CCDC141: variants seen among roughly 807,000 people sequenced by gnomAD.
The protein encoded by CCDC141 is coiled-coil domain containing 141.
Under a neutral mutation model 181.0 loss-of-function variants are expected in CCDC141, and 168 were observed. The ratio of observed to expected loss-of-function variants is 0.93; its 90% confidence interval spans 0.82 to 1.05. CCDC141 has a LOEUF of 1.05. Ranked by LOEUF, CCDC141 falls within the 50% of genes least tolerant of loss-of-function variation. The pLI is 0.00. For synonymous variants in CCDC141, 666 were observed against 642.3 expected (o/e 1.04, Z -0.56); for missense variants, 1,902 against 1,788.5 (o/e 1.06, Z -1.14).
At chr2:179,015,067 G>GATATATATATTATATATAT (rs2042390282) in intron 2 of CCDC141, among the ~76,000 whole-genome samples, 1 of 39,594 alleles carries the variant, frequency 2.5e-5, no homozygotes, top group South Asian at 8.3e-4. Flanking sequence ...GAGAGACAGA[G>GATATATATATTATATATAT]ATATATATAT....
At chr2:178,885,166 A>G in intron 10 of CCDC141, 74 bp from the exon 11 acceptor site, 1 of 964,062 alleles carries the variant, frequency 1.0e-6, no homozygotes, top group Non-Finnish European at 1.5e-6. Context: ...TATCTTCTGC[A>G]TATCCACCAA....
In CCDC141 at chr2:178,831,426, A is replaced by G. The variant is rs1684244675; in HGVS notation, c.*2747T>C. 6.6e-6 allele frequency: 1 copy of G among 152,222 alleles called. No homozygotes were observed. The highest frequency in any genetic ancestry group is 2.4e-5 in the African/African-American group (1 of 41,460). The allele number at this position is 152,222 out of a possible 1,614,324, so 9.4% of individuals were successfully genotyped here. A position where few individuals can be genotyped will look rare whatever the true frequency, so the allele number is the denominator to read the frequency against. ...TTTTCACCAGAAAACCTGCTAGACA[A>G]ATTCTAAAAGAGCTGTAACACATGT... On this transcript the variant is annotated 3_prime_UTR_variant, in exon 24 of 24. Coordinates refer to ENST00000443758, the MANE Select transcript of CCDC141 (RefSeq NM_173648.4).
At chr2:178,924,054 A>T (rs1245538950) in intron 6 of CCDC141, among the ~76,000 whole-genome samples, 1 of 152,240 alleles carries the variant, frequency 6.6e-6, no homozygotes, top group African/African-American at 2.4e-5. Flanking sequence ...CAGTATGTTT[A>T]GTAAGCTTTT....
downstream of CCDC141, among the ~76,000 whole-genome samples, chr2:178,828,978 T>C (rs377044678): frequency 1.8e-4 from 28 of 152,188 alleles, no homozygotes; most frequent in African/African-American, 6.5e-4. Context: ...TTTCATTTTA[T>C]TACCTAGTTC....
intron 19 of CCDC141, 40 bp from the exon 20 acceptor site, chr2:178,853,664 C>G: frequency 6.5e-7 from 1 of 1,543,282 alleles, no homozygotes; most frequent in Non-Finnish European, 8.8e-7. Flanking sequence ...AAAGAAATAC[C>G]ATCCTTCTAA....
chr2:178,849,038 A>AT lies in CCDC141; in HGVS notation c.3357+1010dup, dbSNP rs1024749606. Among the ~76,000 whole-genome samples the AT allele has an allele frequency of 2.2e-4, 33 of 152,114 alleles. 1 individual carries two copies. The highest frequency in any genetic ancestry group is 2.0e-3 in the Admixed American group (30 of 15,268). The stretch of plus-strand genomic sequence containing the variant: ...GGTAAAATGGTAAAAAAAAATCTAG[A>AT]TTTTTAACCAAAGGATAAAGATAAT... On this transcript the variant is annotated intron_variant, in intron 21 of 23. Coordinates refer to ENST00000443758, the MANE Select transcript of CCDC141 (RefSeq NM_173648.4).
rs191142245 is a variant in CCDC141, at chr2:179,005,740, G to T, written c.226-27065C>A. On this transcript the variant is annotated intron_variant, in intron 2 of 23. Transcript: ENST00000443758. ...ACCTCTACTTCCCCCGACCCCCATA[G>T]CTGGGACTATAGGCATGTGCCACCA... Among the ~76,000 whole-genome samples the T allele has an allele frequency of 3.7e-4, 57 of 152,164 alleles. 1 individual carries two copies. The highest frequency in any genetic ancestry group is 1.2e-3 in the Admixed American group (18 of 15,282).
chr2:178,955,174 A>C (rs1018257900), intron 5 of CCDC141, among the ~76,000 whole-genome samples: 1 of 152,090 alleles, frequency 6.6e-6, no homozygotes, highest in Non-Finnish European at 1.5e-5. Context: ...AGTCTCAGCC[A>C]CTTGGGAGGC....
At chr2:178,824,439 A>G in the CCDC141 span, among the ~76,000 whole-genome samples, 3 of 152,120 alleles carry the variant, frequency 2.0e-5, no homozygotes, top group South Asian at 2.1e-4. Flanking sequence ...CCTGGCCAAC[A>G]TGGAGAAACA....
At chr2:179,007,782 T>C (rs140446889) in intron 2 of CCDC141, among the ~76,000 whole-genome samples, 138 of 152,344 alleles carry the variant, frequency 9.1e-4, no homozygotes, top group African/African-American at 3.1e-3. Context: ...TCAAAATATG[T>C]TTGAAATAAA....
rs1689238481 is a variant in CCDC141, at chr2:178,935,241, AAT to A, written c.897+9292_897+9293del. On this transcript the variant is annotated intron_variant, in intron 6 of 23. Transcript: ENST00000443758. ...CACCCAGGTATTAAGCCCAGTCCCC[AAT>A]AGTTATCTTTTCTGCTCCTCTTCCT... is the stretch of plus-strand genomic sequence containing the variant. Among the ~76,000 whole-genome samples the A allele has an allele frequency of 2.0e-5, 3 of 152,110 alleles. No homozygotes were observed. In the South Asian group the frequency reaches 6.2e-4, roughly 32 times the overall value.
At chr2:178,897,644 T>C (rs1687476827) in intron 8 of CCDC141, among the ~76,000 whole-genome samples, 1 of 152,202 alleles carries the variant, frequency 6.6e-6, no homozygotes, top group African/African-American at 2.4e-5. Context: ...TAGGCAGGTA[T>C]AGAAATTGAG....
chr2:178,905,193 A>G (rs747662351), intron 8 of CCDC141, 136 bp downstream of exon 8: 9 of 783,244 alleles, frequency 1.1e-5, no homozygotes, highest in South Asian at 2.0e-5. Flanking sequence ...TCAAACTTCA[A>G]TAGATCCTTT....
intron 11 of CCDC141, among the ~76,000 whole-genome samples, chr2:178,883,281 C>G (rs1015026197): frequency 1.3e-5 from 2 of 152,004 alleles, no homozygotes; most frequent in Non-Finnish European, 2.9e-5. Flanking sequence ...AGTTTAGGGT[C>G]AAGAACTAAA....
At chr2:178,968,872 A>C (rs1022714420) in intron 4 of CCDC141, among the ~76,000 whole-genome samples, 2 of 152,034 alleles carry the variant, frequency 1.3e-5, no homozygotes, top group African/African-American at 2.4e-5. Flanking sequence ...GAAGAATGAA[A>C]TAGGCACAAT....
the CCDC141 span, among the ~76,000 whole-genome samples, chr2:178,819,950 G>A: frequency 1.3e-5 from 2 of 151,884 alleles, no homozygotes; most frequent in Admixed American, 1.3e-4. Context: ...CAAGTTGAAT[G>A]GTTTTTGAAA....
At chr2:178,839,380 T>G (rs1040621139) in intron 22 of CCDC141, among the ~76,000 whole-genome samples, 1 of 148,708 alleles carries the variant, frequency 6.7e-6, no homozygotes, top group Non-Finnish European at 1.5e-5. Flanking sequence ...ACCACTGCAC[T>G]CCATCCTGGG....
intron 2 of CCDC141, among the ~76,000 whole-genome samples, chr2:179,027,428 A>C (rs1176983926): frequency 6.6e-6 from 1 of 151,770 alleles, no homozygotes; most frequent in Non-Finnish European, 1.5e-5. Flanking sequence ...GCGGATCACA[A>C]GGTCAGGAGA....
intron 7 of CCDC141, 54 bp downstream of exon 7, chr2:178,918,659 T>C: frequency 7.0e-7 from 1 of 1,427,826 alleles, no homozygotes; most frequent in Non-Finnish European, 9.5e-7. Flanking sequence ...AAGTAATGGG[T>C]CTTTTACTGG....
Sources: gnomAD v4.1 joint callset for allele counts (sites outside exome capture counted in the v4.1 genomes callset) on GRCh38, gnomAD v4.1.1 for gene constraint, MANE v1.5 for transcripts, NCBI Gene and HGNC (gene_info 2026-07-23, HGNC 2026-07-21) for gene names.